Variants in SGK3 observed in about 807,000 individuals in gnomAD.
SGK3 encodes the protein serine/threonine-protein kinase Sgk3.
Under a neutral mutation model 68.5 loss-of-function variants are expected in SGK3, and 47 were observed. The observed-to-expected ratio is 0.69, with a 90% CI of 0.54 to 0.87. SGK3 has a LOEUF of 0.87. Ranked by LOEUF, SGK3 falls within the 40% of genes least tolerant of loss-of-function variation. The pLI is 0.00. For synonymous variants in SGK3, 181 were observed against 189.1 expected, an observed-to-expected ratio of 0.96 and a Z score of 0.35; for missense variants, 479 against 575.5, an observed-to-expected ratio of 0.83 and a Z score of 1.72.
chr8:66,840,032 C>A lies in SGK3; in HGVS notation c.771C>A (p.Ser257=). The change falls in exon 11 of 17, where the codon TCC becomes TCA. Residue 257 remains serine (S), a synonymous_variant. Coordinates refer to ENST00000521198, the MANE Select transcript of SGK3 (RefSeq NM_001033578.3). ...TTTTCCACTTACAAAGAGAACGGTCCTTTCCTGAGCACAGAGCTAGGTTTT... is the reference window on the plus strand; with the variant it reads ...TTTTCCACTTACAAAGAGAACGGTCATTTCCTGAGCACAGAGCTAGGTTTT... ...ELFFHLQRER[S]FPEHRARFYA... is the part of the protein sequence containing the mutation. 12 of 1,613,836 alleles carry A rather than the reference C, an allele frequency of 7.4e-6. No homozygotes were observed. The highest frequency in any genetic ancestry group is 9.3e-6 in the Non-Finnish European group (11 of 1,179,902).
At chr8:66,738,688 T>C (rs992482278) in intron 1 of SGK3, among the ~76,000 whole-genome samples, 3 of 151,944 alleles carry the variant, frequency 2.0e-5, no homozygotes, top group African/African-American at 4.8e-5. Context: ...AGTTCAGTGG[T>C]GTGATCTCAG....
At chr8:66,774,817 C>T (rs1806628576) in intron 1 of SGK3, among the ~76,000 whole-genome samples, 4 of 152,158 alleles carry the variant, frequency 2.6e-5, no homozygotes, top group Admixed American at 2.6e-4. Context: ...CGCCTGGAGC[C>T]CTGAATTCGT....
At position 66,813,909 on chromosome 8, in the gene SGK3, T is replaced by G; in HGVS notation, c.310T>G (p.Tyr104Asp). 2 of 1,593,192 alleles carry G rather than the reference T, an allele frequency of 1.3e-6. No homozygotes were observed. The highest frequency in any genetic ancestry group is 2.3e-5 in the East Asian group (1 of 43,674). Residue 104 changes from tyrosine (Y) to aspartate (D), a missense_variant, in exon 5 of 17, where the codon TAT (tyrosine) becomes GAT (aspartate). Around this residue, in one of 3 missense-constraint regions of SGK3, gnomAD observed 298 missense variants for 329.4 expected, o/e 0.90. Transcript: ENST00000521198. The part of the protein sequence containing the change: ...LNEFIQNLVR[Y>D]PELYNHPDVR... ...CGAATTCATTCAGAACCTAGTTAGGTATCCAGAACTTTATAACCAGTAAGT... is the reference window on the plus strand; with the variant it reads ...CGAATTCATTCAGAACCTAGTTAGGGATCCAGAACTTTATAACCAGTAAGT...
At chr8:66,751,133 C>T (rs1331047908) in intron 1 of SGK3, among the ~76,000 whole-genome samples, 1 of 151,816 alleles carries the variant, frequency 6.6e-6, no homozygotes, top group Non-Finnish European at 1.5e-5. Context: ...AACCCTGTCT[C>T]TACTAAAAAT....
Position 66,813,860 on chromosome 8 carries a change from TA to T in SGK3, c.264del (p.Lys88AsnfsTer7). On this transcript the variant is annotated frameshift_variant, in exon 5 of 17. Transcript: ENST00000521198. LOFTEE classifies it high-confidence loss of function. ...TTTATATCTCTCTTCCAGATTTTAT[TA>T]AACAAAGACGAGCAGGACTAAACGA... ...FGDNFDPDFI[K>X]QRRAGLNEFI... 6.4e-7 allele frequency: 1 copy of T among 1,572,052 alleles called. No individual in the cohort carries two copies. Among genetic ancestry groups the T allele is most frequent in the Non-Finnish European group, 8.6e-7 (1 of 1,160,900 alleles).
At chr8:66,838,603 C>T (rs1286273892) in intron 10 of SGK3, among the ~76,000 whole-genome samples, 1 of 152,126 alleles carries the variant, frequency 6.6e-6, no homozygotes, top group East Asian at 1.9e-4. Flanking sequence ...TCTTTTAGGG[C>T]TTTGCTTCTG....
chr8:66,752,595 G>C (rs1024042029), intron 1 of SGK3, among the ~76,000 whole-genome samples: 4 of 151,938 alleles, frequency 2.6e-5, no homozygotes, highest in Non-Finnish European at 4.4e-5. Flanking sequence ...TGAAAAACTG[G>C]GGGGGTGGGG....
chr8:66,759,054 C>T (rs1806071603), intron 1 of SGK3, among the ~76,000 whole-genome samples: 1 of 151,368 alleles, frequency 6.6e-6, no homozygotes, highest in African/African-American at 2.4e-5. Context: ...CTTAATAAGG[C>T]CTTCTTTTTT....
intron 2 of SGK3, 88 bp from the exon 3 acceptor site, chr8:66,798,454 A>G (rs1807791661): frequency 3.1e-6 from 4 of 1,291,766 alleles, no homozygotes. Flanking sequence ...AAAAAAAAAA[A>G]AATTAAAACA....
At chr8:66,830,016 A>G (rs368637916) in intron 7 of SGK3, among the ~76,000 whole-genome samples, 51 of 152,138 alleles carry the variant, frequency 3.4e-4, no homozygotes, top group African/African-American at 1.2e-3. Context: ...GGCAGCCACC[A>G]TCATGCCCAG....
At chr8:66,723,131 A>ATATTTTTTTTTTT (rs1554591219) in intron 1 of SGK3, among the ~76,000 whole-genome samples, 1 of 29,496 alleles carries the variant, frequency 3.4e-5, no homozygotes, top group African/African-American at 1.2e-4. Flanking sequence ...ATATATATAT[A>ATATTTTTTTTTTT]TTTTTTTTTT....
rs546398619 is a variant in SGK3, at chr8:66,741,375, C to T, written c.-122+28542C>T. ...GACCAGCCTGACCAACATAGTGAAA[C>T]CCTGTCTCTACCAAAAATACAAAAA... On this transcript the variant is annotated intron_variant, in intron 1 of 16. Transcript: ENST00000521198. 2.1e-4 allele frequency among the ~76,000 whole-genome samples: 32 copies of T among 152,168 alleles called. No individual in the cohort carries two copies. The South Asian group carries it at 5.2e-3, about 25-fold the overall frequency.
intron 10 of SGK3, 113 bp from the exon 11 acceptor site, chr8:66,839,890 A>C (rs1809728240): frequency 1.3e-5 from 13 of 1,000,466 alleles, no homozygotes; most frequent in Admixed American, 2.9e-5. Context: ...GCTCACATTC[A>C]AAGTAACAAA....
At chr8:66,774,312 C>T (rs1806612226) in intron 1 of SGK3, among the ~76,000 whole-genome samples, 1 of 151,990 alleles carries the variant, frequency 6.6e-6, no homozygotes, top group African/African-American at 2.4e-5. Flanking sequence ...CTTTGTTTCC[C>T]TGCCATATTC....
chr8:66,738,632 CT>C (rs113377762), intron 1 of SGK3, among the ~76,000 whole-genome samples: 19,449 of 145,346 alleles, frequency 0.13, 2,335 homozygotes, highest in African/African-American at 0.33. Context: ...GATCCACTTT[CT>C]TTTTTTTTTT....
At chr8:66,812,386 G>A (rs770160872) in intron 4 of SGK3, among the ~76,000 whole-genome samples, 7 of 151,864 alleles carry the variant, frequency 4.6e-5, no homozygotes, top group East Asian at 1.9e-4. Flanking sequence ...ATGAAACCCC[G>A]TCTCTACTAA....
intron 4 of SGK3, among the ~76,000 whole-genome samples, chr8:66,811,730 A>G (rs1407717768): frequency 6.6e-6 from 1 of 152,238 alleles, no homozygotes; most frequent in Non-Finnish European, 1.5e-5. Context: ...TTCAGTAAGC[A>G]TCCACAGAAC....
At chr8:66,824,131 A>G (rs1397655171) in intron 6 of SGK3, among the ~76,000 whole-genome samples, 1 of 152,166 alleles carries the variant, frequency 6.6e-6, no homozygotes, top group Non-Finnish European at 1.5e-5. Context: ...GAAGATTCTC[A>G]GTTAAGAGAA....
chr8:66,770,307 T>C (rs193000648), intron 1 of SGK3, among the ~76,000 whole-genome samples: 18 of 152,358 alleles, frequency 1.2e-4, no homozygotes, highest in Admixed American at 1.1e-3. Context: ...TTTCTTTGCA[T>C]GCCTTGTAAT....
Sources: allele counts gnomAD v4.1 joint callset (sites outside exome capture counted in the v4.1 genomes callset), GRCh38; gene constraint gnomAD v4.1.1; regional missense constraint gnomAD v4.1.1; transcripts MANE v1.5; gene names NCBI Gene and HGNC (gene_info 2026-07-23, HGNC 2026-07-21).